Variants in SLC9A7 observed in about 807,000 individuals in gnomAD.
SLC9A7 encodes solute carrier family 9 member A7.
SLC9A7 carries 19 observed loss-of-function variants against 52.6 expected under a neutral mutation model. That is an observed-to-expected ratio of 0.36 (90% CI 0.25 to 0.53). The LOEUF (loss-of-function observed/expected upper bound fraction) is 0.53. Among genes scored for constraint, SLC9A7 ranks in the 20% least tolerant of loss-of-function variants. The pLI is 0.91. For synonymous variants in SLC9A7, 226 were observed against 252.1 expected (o/e 0.90, Z 0.98); for missense variants, 455 against 597.9 (o/e 0.76, Z 2.49).
At chrX:46,671,529 A>T (rs1944024371) in intron 4 of SLC9A7, among the ~76,000 whole-genome samples, 1 of 110,236 alleles carries the variant, frequency 9.1e-6, no homozygotes. Flanking sequence ...TCGGCCTCCC[A>T]AAGTGCTGGG....
chrX:46,701,029 C>T (rs1422185827), intron 1 of SLC9A7, among the ~76,000 whole-genome samples: 1 of 111,767 alleles, frequency 8.9e-6, no homozygotes, highest in Admixed American at 9.5e-5. Flanking sequence ...TATCCTAAGG[C>T]ACTAACCAAG....
chrX:46,611,577 G>A (rs1452095380), intron 16 of SLC9A7, among the ~76,000 whole-genome samples: 1 of 112,749 alleles, frequency 8.9e-6, no homozygotes, highest in African/African-American at 3.2e-5. Context: ...TTTTTACCAG[G>A]CAGAACCTGC....
chrX:46,674,955 C>G (rs1195330013), intron 3 of SLC9A7, among the ~76,000 whole-genome samples: 3 of 111,047 alleles, frequency 2.7e-5, no homozygotes, highest in Non-Finnish European at 5.7e-5. Context: ...ACTGCTACTC[C>G]TTGGGAAATC....
chrX:46,659,139 T>C (rs1483730197), intron 7 of SLC9A7, among the ~76,000 whole-genome samples: 21 of 111,704 alleles, frequency 1.9e-4, no homozygotes, highest in Non-Finnish European at 1.3e-4. Context: ...ATTATCTCAA[T>C]AGATGCAGAA....
intron 5 of SLC9A7, among the ~76,000 whole-genome samples, chrX:46,665,135 G>C (rs1010480504): frequency 5.4e-5 from 6 of 110,453 alleles, no homozygotes; most frequent in Non-Finnish European, 9.5e-5. Flanking sequence ...TTTAATGGGA[G>C]AGATGAAACA....
At chrX:46,660,827 T>C (rs1412810783) in intron 7 of SLC9A7, among the ~76,000 whole-genome samples, 11 of 108,799 alleles carry the variant, frequency 1.0e-4, no homozygotes, top group Non-Finnish European at 2.1e-4. Flanking sequence ...TCCTCAGGGA[T>C]CTAGAACTAG....
At chrX:46,739,094 C>A (rs773430819) in intron 1 of SLC9A7, among the ~76,000 whole-genome samples, 28 of 111,937 alleles carry the variant, frequency 2.5e-4, no homozygotes, top group Non-Finnish European at 4.7e-4. Flanking sequence ...GATAAGCTTA[C>A]AAAATAGCTG....
intron 8 of SLC9A7, among the ~76,000 whole-genome samples, chrX:46,651,658 T>G (rs1367833021): frequency 9.2e-6 from 1 of 109,037 alleles, no homozygotes; most frequent in African/African-American, 3.3e-5. Flanking sequence ...TAAAACCCCA[T>G]CTCTACCAAA....
intron 1 of SLC9A7, among the ~76,000 whole-genome samples, chrX:46,729,540 G>A (rs901856349): frequency 9.0e-5 from 10 of 111,349 alleles, no homozygotes; most frequent in Admixed American, 4.8e-4. Flanking sequence ...TTGGGAGGCC[G>A]AGATGGGTGG....
Position 46,736,200 on chromosome X carries a change from C to T in SLC9A7, c.325+22505G>A, listed in dbSNP as rs187312779. Among the ~76,000 whole-genome samples, 4 of 112,024 alleles carry T rather than the reference C, an allele frequency of 3.6e-5. No individual in the cohort carries two copies. In the East Asian group the frequency reaches 1.1e-3, roughly 31 times the overall value. ...TCTGATCATTTCACCCTTTGCCTTCCAATATCTTTAAGTTCATTGACTCTT... is the reference window on the plus strand; with the variant it reads ...TCTGATCATTTCACCCTTTGCCTTCTAATATCTTTAAGTTCATTGACTCTT... On this transcript the variant is annotated intron_variant, in intron 1 of 16. Coordinates refer to ENST00000616978, the MANE Select transcript of SLC9A7 (RefSeq NM_001257291.2).
chrX:46,646,742 G>A, intron 11 of SLC9A7: 1 of 313,154 alleles, frequency 3.2e-6, no homozygotes, highest in Non-Finnish European at 6.3e-6. Context: ...GTTCTGCTCT[G>A]CAGAGAGACC....
rs1483958241 is a variant in SLC9A7 at position 46,600,867 on chromosome X, T to G, written c.*6085A>C. ...AAGCAGTATTCAGATGGGTTGTTTC[T>G]AAACTACAACTCTTGGCCACTAGAT... On this transcript the variant is annotated 3_prime_UTR_variant, in exon 17 of 17. Transcript: ENST00000616978. 1.8e-5 allele frequency: 2 copies of G among 111,898 alleles called. No individual in the cohort carries two copies. Among genetic ancestry groups the G allele is most frequent in the Admixed American group, 9.6e-5 (1 of 10,444 alleles). 9.2% of individuals were successfully genotyped at this position (111,898 alleles called of 1,213,427 possible).
chrX:46,737,187 C>A (rs1285266915), intron 1 of SLC9A7, among the ~76,000 whole-genome samples: 1 of 111,688 alleles, frequency 9.0e-6, no homozygotes, highest in East Asian at 2.8e-4. Flanking sequence ...TTGGCAGTGG[C>A]TTTTGTTCTT....
chrX:46,600,244 T>C lies in SLC9A7; in HGVS notation c.*6708A>G, dbSNP rs962374694. ...GTAACACCTGAATTGTAGCCTTTTT[T>C]AAGTGCTTGAGACAGCAGATGTTGA... On this transcript the variant is annotated 3_prime_UTR_variant, in exon 17 of 17. Transcript: ENST00000616978. The C allele has an allele frequency of 8.9e-6, 1 of 112,379 alleles. No individual in the cohort carries two copies. Among genetic ancestry groups the C allele is most frequent in the Admixed American group, 9.5e-5 (1 of 10,540 alleles). 9.3% of individuals were successfully genotyped at this position (112,379 alleles called of 1,213,427 possible).
intron 1 of SLC9A7, among the ~76,000 whole-genome samples, chrX:46,717,078 G>A (rs1385473014): frequency 8.9e-6 from 1 of 112,505 alleles, no homozygotes; most frequent in East Asian, 2.8e-4. Flanking sequence ...TCTTGAGTAA[G>A]TAATCAGCAT....
intron 2 of SLC9A7, among the ~76,000 whole-genome samples, chrX:46,680,662 C>T (rs1350767880): frequency 1.8e-5 from 2 of 111,796 alleles, no homozygotes; most frequent in Non-Finnish European, 3.8e-5. Flanking sequence ...TTTTAGAGAA[C>T]AAAGTTTTAT....
chrX:46,611,643 C>T (rs1030330874), intron 16 of SLC9A7, among the ~76,000 whole-genome samples: 13 of 112,601 alleles, frequency 1.2e-4, no homozygotes, highest in African/African-American at 3.9e-4. Context: ...AAAGTTCTGT[C>T]GCTGCCTACC....
rs1315683837 is a variant in SLC9A7, at chrX:46,663,638, C to CAA, written c.794-997_794-996dup. Among the ~76,000 whole-genome samples the CAA allele has an allele frequency of 2.5e-3, 61 of 24,430 alleles. 1 individual carries two copies. Among genetic ancestry groups the CAA allele is most frequent in the East Asian group, 6.2e-3 (4 of 649 alleles). 21.2% of individuals were successfully genotyped at this position (24,430 alleles called of 115,157 possible). On this transcript the variant is annotated intron_variant, in intron 5 of 16. Coordinates refer to ENST00000616978, the MANE Select transcript of SLC9A7 (RefSeq NM_001257291.2). The stretch of plus-strand genomic sequence containing the variant: ...GGGCAACAAGAGTGAAACTCCATCT[C>CAA]AAAAAAAAAAAAAAAAAAAAGGAAA...
chrX:46,674,298 A>G (rs1479358584), intron 3 of SLC9A7, among the ~76,000 whole-genome samples: 1 of 112,349 alleles, frequency 8.9e-6, no homozygotes, highest in African/African-American at 3.2e-5. Context: ...CTTTCATAAT[A>G]TATTCTAAAA....
Sources: gnomAD v4.1 joint callset for allele counts (sites outside exome capture counted in the v4.1 genomes callset) on GRCh38, gnomAD v4.1.1 for gene constraint, MANE v1.5 for transcripts, NCBI Gene and HGNC (gene_info 2026-07-23, HGNC 2026-07-21) for gene names.